DOCK2: variants seen among roughly 807,000 people sequenced by gnomAD.
DOCK2 encodes dedicator of cytokinesis 2, also known as dedicator of cytokinesis protein 2.
In DOCK2, 87 loss-of-function variants were observed where a neutral mutation model predicts 248.9. The observed-to-expected ratio is 0.35, with a 90% confidence interval of 0.29 to 0.42. DOCK2 has a LOEUF of 0.42. Among genes scored for constraint, DOCK2 ranks in the 10% least tolerant of loss-of-function variants. The pLI, the probability that DOCK2 is intolerant of heterozygous loss-of-function variation, is 1.00. For synonymous variants in DOCK2, 805 were observed against 821.6 expected (o/e 0.98, Z 0.35); for missense variants, 1,747 against 2,300.2 (o/e 0.76, Z 4.92).
chr5:169,933,646 C>T (rs747403052), intron 27 of DOCK2, among the ~76,000 whole-genome samples: 1 of 152,132 alleles, frequency 6.6e-6, no homozygotes, highest in Non-Finnish European at 1.5e-5. Context: ...TGAGGAGTAA[C>T]AGCTGTAGAA....
rs547658026 is a variant in DOCK2, at chr5:169,840,006, C to T, written c.2704-751C>T. Among the ~76,000 whole-genome samples the T allele has an allele frequency of 2.1e-3, 313 of 152,318 alleles. No individual in the cohort carries two copies. In the Middle Eastern group the frequency reaches 0.024, roughly 12 times the overall value. ...CCAAGGATTAGAAAAGTTAATATAA[C>T]TGTATTGGTCTGTTCTTGCGCTGCT... On this transcript the variant is annotated intron_variant, in intron 26 of 51. Coordinates refer to ENST00000520908, the MANE Select transcript of DOCK2 (RefSeq NM_004946.3).
At chr5:170,078,549 A>G (rs1433806576) in intron 48 of DOCK2, among the ~76,000 whole-genome samples, 1 of 152,204 alleles carries the variant, frequency 6.6e-6, no homozygotes, top group Non-Finnish European at 1.5e-5. Flanking sequence ...ACATCATCTC[A>G]TGGCCACTCT....
chr5:170,039,452 G>T (rs373766165), intron 36 of DOCK2, among the ~76,000 whole-genome samples: 3 of 152,140 alleles, frequency 2.0e-5, no homozygotes, highest in Non-Finnish European at 2.9e-5. Flanking sequence ...CAGTGCCTGC[G>T]TTTGTCACTG....
chr5:169,906,150 C>T (rs989695951), intron 27 of DOCK2, among the ~76,000 whole-genome samples: 2 of 152,140 alleles, frequency 1.3e-5, no homozygotes, highest in Non-Finnish European at 2.9e-5. Context: ...GCAGTAAATC[C>T]TCAATGAGCG....
Position 170,077,729 on chromosome 5 carries a change from G to C in DOCK2, c.4886G>C (p.Arg1629Thr). ...CCACAGCCTGACTTTGACGACAGGA[G>C]AGTGGGCCGTCCCAGGTCTATGCTG... is the stretch of plus-strand genomic sequence containing the variant. ...VREMPDFDDR[R>T]VGRPRSMLRS... Residue 1629 changes from arginine (R) to threonine (T), a missense_variant, in exon 48 of 52, where the codon AGA becomes ACA. This residue lies in a region of DOCK2 where 513 missense variants were observed against 586.1 expected (regional missense o/e 0.88). Coordinates refer to ENST00000520908, the MANE Select transcript of DOCK2 (RefSeq NM_004946.3). The C allele has an allele frequency of 6.2e-7, 1 of 1,613,842 alleles. No homozygotes were observed. The highest frequency in any genetic ancestry group is 8.5e-7 in the Non-Finnish European group (1 of 1,179,914).
chr5:169,807,981 A>G (rs567516396), intron 26 of DOCK2, among the ~76,000 whole-genome samples: 39 of 152,236 alleles, frequency 2.6e-4, no homozygotes, highest in South Asian at 1.7e-3. Flanking sequence ...CAAAGATCCA[A>G]CTTTGAAAAT....
intron 27 of DOCK2, among the ~76,000 whole-genome samples, chr5:169,974,144 C>G (rs1309304284): frequency 2.0e-5 from 3 of 152,200 alleles, no homozygotes; most frequent in Non-Finnish European, 4.4e-5. Context: ...TGAAGTCAAG[C>G]TGATCTAGGC....
chr5:170,050,124 G>A (rs1756863112), intron 40 of DOCK2, 132 bp from the exon 41 acceptor site: 14 of 1,225,316 alleles, frequency 1.1e-5, no homozygotes, highest in Non-Finnish European at 1.6e-5. Context: ...TTCCCTGTGG[G>A]GAAACCAAGA....
chr5:169,697,609 T>C (rs984581371), intron 10 of DOCK2, among the ~76,000 whole-genome samples: 21 of 152,284 alleles, frequency 1.4e-4, no homozygotes, highest in African/African-American at 4.8e-4. Flanking sequence ...AGAGAATGGA[T>C]GCTCGGTTTC....
intron 27 of DOCK2, among the ~76,000 whole-genome samples, chr5:169,849,813 C>G (rs926932894): frequency 2.0e-5 from 3 of 152,180 alleles, no homozygotes; most frequent in Admixed American, 2.0e-4. Context: ...TCATCTTGGT[C>G]CCTAAAGACC....
At chr5:169,858,250 G>A (rs1770998212) in intron 27 of DOCK2, among the ~76,000 whole-genome samples, 1 of 152,236 alleles carries the variant, frequency 6.6e-6, no homozygotes, top group Non-Finnish European at 1.5e-5. Flanking sequence ...GCAGATATAT[G>A]TACAAGGACA....
chr5:169,978,375 ATGTG>A (rs70979152), intron 27 of DOCK2, among the ~76,000 whole-genome samples: 694 of 25,600 alleles, frequency 0.027, 28 homozygotes, highest in Middle Eastern at 0.068. Context: ...GGCTCTGTGT[ATGTG>A]TGTGTGTGTG....
At chr5:169,810,997 A>T (rs923034689) in intron 26 of DOCK2, among the ~76,000 whole-genome samples, 1 of 148,226 alleles carries the variant, frequency 6.7e-6, no homozygotes, top group African/African-American at 2.6e-5. Flanking sequence ...TCTCACACAC[A>T]CACACACACA....
At chr5:169,643,934 G>A (rs1201582074) in intron 1 of DOCK2, among the ~76,000 whole-genome samples, 1 of 152,194 alleles carries the variant, frequency 6.6e-6, no homozygotes, top group Admixed American at 6.5e-5. Flanking sequence ...GCTGAACCTT[G>A]AGGGTTTGCC....
At position 169,928,909 on chromosome 5, in the gene DOCK2, G is replaced by A. The variant is rs370923602; in HGVS notation, c.2800-54159G>A. Reference sequence around the variant, plus strand: ...GGGTGTTTCTGTTCCTGCTTGAATAGTGGAATAATTAGCAGATAACTGCGC... The same window carrying A: ...GGGTGTTTCTGTTCCTGCTTGAATAATGGAATAATTAGCAGATAACTGCGC... On this transcript the variant is annotated intron_variant, in intron 27 of 51. Coordinates refer to ENST00000520908, the MANE Select transcript of DOCK2 (RefSeq NM_004946.3). Among the ~76,000 whole-genome samples the A allele has an allele frequency of 4.1e-4, 62 of 152,334 alleles. No individual in the cohort carries two copies. The South Asian group carries it at 0.012, about 30-fold the overall frequency.
rs184199550 is a variant in DOCK2 at position 170,042,205 on chromosome 5, C to T, written c.3876+73C>T. The T allele has an allele frequency of 6.2e-5, 91 of 1,479,434 alleles. No homozygotes were observed. In the Middle Eastern group the frequency reaches 7.1e-4, roughly 12 times the overall value. 91.6% of individuals were successfully genotyped at this position (1,479,434 alleles called of 1,614,324 possible). On this transcript the variant is annotated intron_variant, in intron 38 of 51. Coordinates refer to ENST00000520908, the MANE Select transcript of DOCK2 (RefSeq NM_004946.3). ...GATGGTTCTCTCCCATACCTTACAT[C>T]CAATCCATCCTCAGCTCTGTCAGAT... is the stretch of plus-strand genomic sequence containing the variant.
At position 169,797,390 on chromosome 5, in the gene DOCK2, A is replaced by G. The variant is rs1448241872; in HGVS notation, c.2555-5668A>G. On this transcript the variant is annotated intron_variant, in intron 25 of 51. Transcript: ENST00000520908. ...AGCTGATACTGGCAAGGAGCAGGTGAAAAAAGGGTCCTCTTATTTGAAGTG... is the reference window on the plus strand; with the variant it reads ...AGCTGATACTGGCAAGGAGCAGGTGGAAAAAGGGTCCTCTTATTTGAAGTG... Among the ~76,000 whole-genome samples, 7 of 152,236 alleles carry G rather than the reference A, an allele frequency of 4.6e-5. 1 individual carries two copies. In the East Asian group the frequency reaches 1.3e-3, roughly 29 times the overall value.
chr5:169,738,834 G>C (rs565924952), intron 22 of DOCK2, among the ~76,000 whole-genome samples: 2 of 152,296 alleles, frequency 1.3e-5, no homozygotes, highest in South Asian at 4.1e-4. Context: ...GTCTGTAAAT[G>C]CTAGTCTGGT....
chr5:169,821,521 A>T (rs1476497796), intron 26 of DOCK2, among the ~76,000 whole-genome samples: 2 of 152,152 alleles, frequency 1.3e-5, no homozygotes, highest in Non-Finnish European at 2.9e-5. Context: ...AGCCAAACTA[A>T]GCTTCATAAG....
Sources: gnomAD v4.1 joint callset for allele counts (sites outside exome capture counted in the v4.1 genomes callset) on GRCh38, gnomAD v4.1.1 for gene constraint, gnomAD v4.1.1 regional missense constraint, MANE v1.5 for transcripts, NCBI Gene and HGNC (gene_info 2026-07-23, HGNC 2026-07-21) for gene names.